The following EXD1 variants were observed in gnomAD, a reference collection of about 807,000 sequenced individuals.
The protein encoded by EXD1 is exonuclease 3'-5' domain containing 1, also known as piRNA biogenesis protein EXD1.
In EXD1, 63 loss-of-function variants were observed where a neutral mutation model predicts 49.1. That is an observed-to-expected ratio of 1.28 (90% confidence interval 1.05 to 1.58). The LOEUF is 1.58. EXD1 is among the 40% of genes most tolerant of loss of function. The probability of loss-of-function intolerance (pLI) is 0.00; values close to 1 mark genes in which losing one functional copy is unlikely to be tolerated. For synonymous variants in EXD1, 234 were observed against 239.2 expected (o/e 0.98, Z 0.20); for missense variants, 748 against 666.0 (o/e 1.12, Z -1.36).
In EXD1 at chr15:41,218,486, CAAAAAA is replaced by C. The variant is rs35305069; in HGVS notation, c.202+1338_203-1333del. ...TTAGCGACAAAGTAAGAATCCGTCT[CAAAAAA>C]AAAAAAAAAAAAAGTATGAACGAAG... On this transcript the variant is annotated intron_variant, in intron 3 of 11. Transcript: ENST00000458580. Among the ~76,000 whole-genome samples the C allele has an allele frequency of 7.1e-3, 558 of 79,032 alleles. 4 individuals carry two copies. Among genetic ancestry groups the C allele is most frequent in the African/African-American group, 0.023 (537 of 23,522 alleles). The allele number at this position is 79,032 out of a possible 152,430, so 51.8% of individuals were successfully genotyped here.
intron 11 of EXD1, 59 bp downstream of exon 11, chr15:41,189,878 G>A: frequency 6.5e-7 from 1 of 1,534,226 alleles, no homozygotes; most frequent in East Asian, 2.3e-5. Context: ...GGGTATCACT[G>A]TGTCTGCCTT....
Position 41,219,842 on chromosome 15 carries a change from C to T in EXD1, c.190G>A (p.Glu64Lys). 1 of 1,535,710 alleles carries T rather than the reference C, an allele frequency of 6.5e-7. No individual in the cohort carries two copies. Among genetic ancestry groups the T allele is most frequent in the East Asian group, 2.4e-5 (1 of 40,888 alleles). The change falls in exon 3 of 12, where the codon GAG becomes AAG. Residue 64 changes from glutamate (E) to lysine (K), a missense_variant. Glu to Lys is a moderately conservative substitution (Grantham distance 56, BLOSUM62 1). Coordinates refer to ENST00000458580, the MANE Select transcript of EXD1 (RefSeq NM_001286441.2). ...ATGGGGGTCTCACCATTCACAATCT[C>T]ATGCCCAAAAAACAACTTCACTCCT... ...VPGVKLFFGH[E>K]IVNVELLDEV...
At chr15:41,215,722 G>A in intron 6 of EXD1, 53 bp downstream of exon 6, 2 of 1,509,176 alleles carry the variant, frequency 1.3e-6, no homozygotes, top group South Asian at 1.1e-5. Flanking sequence ...ATGACACACA[G>A]ACATGATACC....
At chr15:41,213,847 G>C (rs1341259924) in intron 6 of EXD1, among the ~76,000 whole-genome samples, 1 of 152,102 alleles carries the variant, frequency 6.6e-6, no homozygotes, top group Non-Finnish European at 1.5e-5. Context: ...TACACTAAAA[G>C]AAAATGAGCT....
At chr15:41,195,723 A>G in intron 9 of EXD1, 52 bp downstream of exon 9, 2 of 1,434,588 alleles carry the variant, frequency 1.4e-6, no homozygotes, top group Non-Finnish European at 1.9e-6. Context: ...GAGCCCTTTT[A>G]TCTACAGGAG....
At chr15:41,196,375 G>A (rs1263900441) in intron 7 of EXD1, among the ~76,000 whole-genome samples, 2 of 145,952 alleles carry the variant, frequency 1.4e-5, no homozygotes, top group Non-Finnish European at 3.0e-5. Flanking sequence ...GGAGTGCAGT[G>A]GCGCGATCTT....
intron 7 of EXD1, among the ~76,000 whole-genome samples, chr15:41,203,774 G>A (rs1469084503): frequency 1.3e-5 from 2 of 151,458 alleles, no homozygotes; most frequent in East Asian, 1.9e-4. Context: ...AACATTAGCC[G>A]GGCGTGGTGG....
chr15:41,185,998 A>T (rs185806375), intron 11 of EXD1, among the ~76,000 whole-genome samples: 1 of 151,976 alleles, frequency 6.6e-6, no homozygotes, highest in Non-Finnish European at 1.5e-5. Flanking sequence ...TTCAATTTCC[A>T]TAGCTCATAT....
rs1566974279 is a variant in EXD1 at position 41,190,089 on chromosome 15, AG to A, written c.903del (p.Ser302LeufsTer3). 8.7e-6 allele frequency: 14 copies of A among 1,614,082 alleles called. No homozygotes were observed. The highest frequency in any genetic ancestry group is 1.1e-5 in the Non-Finnish European group (13 of 1,180,052). On this transcript the variant is annotated frameshift_variant, in exon 11 of 12. Transcript: ENST00000458580. LOFTEE classifies it high-confidence loss of function. ...TCCAGGGCCAAAATTTTCAGTAAAG[AG>A]GGTGAAACAGGTCGGATGAACCATA... ...PEVWFIRPVS[P>X]SLLKILALEA...
At chr15:41,192,951 C>T (rs2046551543) in intron 9 of EXD1, among the ~76,000 whole-genome samples, 1 of 151,920 alleles carries the variant, frequency 6.6e-6, no homozygotes, top group African/African-American at 2.4e-5. Flanking sequence ...CGCCCGCCAC[C>T]ACGCCCAGCT....
chr15:41,225,458 G>A (rs2047147071), intron 2 of EXD1, among the ~76,000 whole-genome samples: 1 of 151,972 alleles, frequency 6.6e-6, no homozygotes, highest in African/African-American at 2.4e-5. Flanking sequence ...GGTGATGGGT[G>A]CCTGTAACCC....
At chr15:41,229,996 C>A (rs1248431285) in intron 1 of EXD1, among the ~76,000 whole-genome samples, 2 of 151,818 alleles carry the variant, frequency 1.3e-5, no homozygotes, top group Admixed American at 1.3e-4. Context: ...GTGTTCTAAC[C>A]AAACAGGTGT....
Position 41,226,477 on chromosome 15 carries a change from A to G in EXD1, c.99T>C (p.His33=). The change falls in exon 2 of 12, where the codon CAT becomes CAC. Residue 33 remains histidine (H), a synonymous_variant. Coordinates refer to ENST00000458580, the MANE Select transcript of EXD1 (RefSeq NM_001286441.2). ...GGACAACAATCTTATTAGGGTCAAC[A>G]TGCTGAAGCACACCCTCGAAGACAC... ...VCGVFEGVLQ[H]VDPNKIVVLK... 8.5e-6 allele frequency: 13 copies of G among 1,536,110 alleles called. No homozygotes were observed. Among genetic ancestry groups the G allele is most frequent in the South Asian group, 2.4e-5 (2 of 84,060 alleles).
chr15:41,219,005 G>A (rs1020698277), intron 3 of EXD1, among the ~76,000 whole-genome samples: 1 of 152,028 alleles, frequency 6.6e-6, no homozygotes, highest in Non-Finnish European at 1.5e-5. Flanking sequence ...GTCCTAAGAG[G>A]TCCCAGAGCT....
intron 1 of EXD1, among the ~76,000 whole-genome samples, chr15:41,227,248 C>T (rs545095283): frequency 1.9e-4 from 29 of 152,200 alleles, no homozygotes; most frequent in Non-Finnish European, 3.2e-4. Flanking sequence ...ATTTTAGAGA[C>T]AGTTTCCCAT....
intron 3 of EXD1, 149 bp downstream of exon 3, chr15:41,219,681 A>G: frequency 1.7e-6 from 1 of 604,906 alleles, no homozygotes; most frequent in Non-Finnish European, 2.8e-6. Context: ...AGACTATTTT[A>G]CTCATAGAGT....
Position 41,199,753 on chromosome 15 carries a change from A to AATGTATCATATATG in EXD1, c.535-3717_535-3716insCATATATGATACAT, listed in dbSNP as rs1326775145. ...ATGATATATATGTCATATATTATAT[A>AATGTATCATATATG]TGATACATATATGATATATATGTCA... On this transcript the variant is annotated intron_variant, in intron 7 of 11. Coordinates refer to ENST00000458580, the MANE Select transcript of EXD1 (RefSeq NM_001286441.2). 2.1e-5 allele frequency among the ~76,000 whole-genome samples: 2 copies of AATGTATCATATATG among 96,874 alleles called. 1 individual carries two copies. The highest frequency in any genetic ancestry group is 7.7e-4 in the East Asian group (2 of 2,614). 63.6% of individuals were successfully genotyped at this position (96,874 alleles called of 152,430 possible).
intron 5 of EXD1, 108 bp from the exon 6 acceptor site, chr15:41,215,941 T>C (rs2046993454): frequency 8.8e-7 from 1 of 1,134,916 alleles, no homozygotes; most frequent in Non-Finnish European, 1.3e-6. Flanking sequence ...GCAACTCAAA[T>C]ACCCTAAAAT....
intron 9 of EXD1, 80 bp downstream of exon 9, chr15:41,195,695 C>A: frequency 9.0e-6 from 9 of 999,450 alleles, no homozygotes; most frequent in South Asian, 2.6e-5. Flanking sequence ...AAGACTTTCA[C>A]TCATCAGATG....
Sources: gnomAD v4.1 joint callset for allele counts (sites outside exome capture counted in the v4.1 genomes callset) on GRCh38, gnomAD v4.1.1 for gene constraint, MANE v1.5 for transcripts, NCBI Gene and HGNC (gene_info 2026-07-23, HGNC 2026-07-21) for gene names.